PLXNC1: variants seen among roughly 807,000 people sequenced by gnomAD.
The protein encoded by PLXNC1 is plexin-C1.
In PLXNC1, 75 loss-of-function variants were observed where a neutral mutation model predicts 178.2. The observed-to-expected ratio is 0.42, with a 90% CI of 0.35 to 0.51. The LOEUF (loss-of-function observed/expected upper bound fraction) is 0.51, where lower values mean the gene tolerates loss of function less well. Among genes scored for constraint, PLXNC1 ranks in the 20% least tolerant of loss-of-function variants. The pLI is 0.02. For synonymous variants in PLXNC1, 790 were observed against 779.9 expected, an observed-to-expected ratio of 1.01 and a Z score of -0.22; for missense variants, 1,503 against 1,984.4, an observed-to-expected ratio of 0.76 and a Z score of 4.61.
At position 94,260,816 on chromosome 12, in the gene PLXNC1, C is replaced by T. The variant is rs144431676; in HGVS notation, c.3426C>T (p.Ser1142=). Reference sequence around the variant, plus strand: ...AAAAACTCCTCACAAACTGGATGTCCGTCTGCCTTTCTGGATTTCTCCGGG... The same window carrying T: ...AAAAACTCCTCACAAACTGGATGTCTGTCTGCCTTTCTGGATTTCTCCGGG... The part of the protein sequence containing the change: ...VVEKLLTNWM[S]VCLSGFLRET... The change falls in exon 20 of 31, where the codon TCC becomes TCT. Residue 1142 remains serine (S), a synonymous_variant. Coordinates refer to ENST00000258526, the MANE Select transcript of PLXNC1 (RefSeq NM_005761.3). This position sits in a 1 kb window ranked among gnomAD's most constrained non-coding sequence, Gnocchi z 4.4. 38 of 1,614,046 alleles carry T rather than the reference C, an allele frequency of 2.4e-5. No individual in the cohort carries two copies. Among genetic ancestry groups the T allele is most frequent in the Admixed American group, 2.0e-4 (12 of 59,994 alleles).
chr12:94,275,497 A>G (rs190338347), intron 21 of PLXNC1, among the ~76,000 whole-genome samples: 101 of 152,302 alleles, frequency 6.6e-4, no homozygotes, highest in African/African-American at 2.4e-3. Context: ...GCACTTTCCC[A>G]GCCTGGGGGT....
intron 24 of PLXNC1, among the ~76,000 whole-genome samples, chr12:94,295,652 C>T (rs537780737): frequency 4.6e-5 from 7 of 152,240 alleles, no homozygotes; most frequent in African/African-American, 7.2e-5. Flanking sequence ...AAAATCCCAA[C>T]GCTGGATGAA....
chr12:94,148,931 C>T lies in PLXNC1; in HGVS notation c.-41C>T, dbSNP rs988440943. The T allele has an allele frequency of 8.3e-6, 7 of 839,752 alleles. No homozygotes were observed. Among genetic ancestry groups the T allele is most frequent in the Admixed American group, 4.8e-5 (1 of 20,728 alleles). The allele number at this position is 839,752 out of a possible 1,614,324, so 52.0% of individuals were successfully genotyped here. A position where few individuals can be genotyped will look rare whatever the true frequency, so the allele number is the denominator to read the frequency against. Reference sequence around the variant, plus strand: ...CGTTGCCGCGCGCCTGAGCCGCCGTCGCCGCCGCGCGCCCTGCCCGGGGGC... The same window carrying T: ...CGTTGCCGCGCGCCTGAGCCGCCGTTGCCGCCGCGCGCCCTGCCCGGGGGC... On this transcript the variant is annotated 5_prime_UTR_variant, in exon 1 of 31. Transcript: ENST00000258526. The surrounding 1 kb of genome is among the most constrained non-coding windows in gnomAD (Gnocchi z 4.8).
intron 21 of PLXNC1, chr12:94,272,169 C>T (rs1400822001): frequency 1.3e-5 from 2 of 152,130 alleles, no homozygotes; most frequent in Non-Finnish European, 1.5e-5. Flanking sequence ...GCATCATTCC[C>T]AAATCAATCA....
intron 14 of PLXNC1, among the ~76,000 whole-genome samples, chr12:94,249,106 G>A (rs1964607696): frequency 6.6e-6 from 1 of 152,148 alleles, no homozygotes; most frequent in Non-Finnish European, 1.5e-5. Flanking sequence ...ACTTCAGACT[G>A]GAAGGCAACA....
At chr12:94,269,575 A>G (rs543501419) in intron 21 of PLXNC1, among the ~76,000 whole-genome samples, 2 of 152,330 alleles carry the variant, frequency 1.3e-5, no homozygotes, top group South Asian at 4.1e-4. Flanking sequence ...CAGAAGATCC[A>G]TTAGCCCCGT....
At chr12:94,154,912 G>C (rs1292223334) in intron 1 of PLXNC1, among the ~76,000 whole-genome samples, 1 of 152,208 alleles carries the variant, frequency 6.6e-6, no homozygotes, top group Non-Finnish European at 1.5e-5. Context: ...AGAAATATTT[G>C]TTGAATGAAT....
At chr12:94,182,421 A>C (rs2135961194) in intron 3 of PLXNC1, among the ~76,000 whole-genome samples, 1 of 120,946 alleles carries the variant, frequency 8.3e-6, no homozygotes, top group African/African-American at 3.9e-5. Context: ...CTGTCTCAAA[A>C]AAAAAAAAAA....
chr12:94,277,060 A>G (rs945679671), intron 21 of PLXNC1: 10 of 121,240 alleles, frequency 8.2e-5, no homozygotes, highest in Admixed American at 7.1e-4. Flanking sequence ...TCAGCTCTTT[A>G]TAAACACCAT....
intron 1 of PLXNC1, among the ~76,000 whole-genome samples, chr12:94,165,937 T>G (rs2885259): frequency 0.88 from 133,129 of 151,936 alleles, 58,569 homozygotes; most frequent in East Asian, 0.97. Context: ...CTGTTATCAA[T>G]GAGGAAACTT....
chr12:94,282,459 A>T (rs1966517620), intron 23 of PLXNC1, 58 bp downstream of exon 23: 2 of 1,147,428 alleles, frequency 1.7e-6, no homozygotes, highest in African/African-American at 3.1e-5. Flanking sequence ...AGTCCCATGG[A>T]CATTCTTTTA....
intron 22 of PLXNC1, among the ~76,000 whole-genome samples, chr12:94,281,219 C>T (rs1966413991): frequency 6.6e-6 from 1 of 152,166 alleles, no homozygotes; most frequent in South Asian, 2.1e-4. Context: ...GCAGAGGTTG[C>T]AGTGAGCCCA....
At chr12:94,278,940 G>A (rs1206911638) in intron 21 of PLXNC1, among the ~76,000 whole-genome samples, 3 of 152,072 alleles carry the variant, frequency 2.0e-5, no homozygotes, top group Non-Finnish European at 4.4e-5. Context: ...GGAGGTTGCA[G>A]TGAGCCAAGA....
chr12:94,182,275 G>A (rs909865278), intron 3 of PLXNC1, among the ~76,000 whole-genome samples: 4 of 151,998 alleles, frequency 2.6e-5, no homozygotes, highest in Admixed American at 1.3e-4. Context: ...GTTACTGACC[G>A]GGCATAGTGG....
At chr12:94,155,746 GA>G (rs751769103) in intron 1 of PLXNC1, among the ~76,000 whole-genome samples, 3 of 152,172 alleles carry the variant, frequency 2.0e-5, no homozygotes, top group Non-Finnish European at 4.4e-5. Flanking sequence ...GATGTGGGGG[GA>G]TGTCTAGAGT....
intron 5 of PLXNC1, among the ~76,000 whole-genome samples, chr12:94,212,161 C>G (rs1023823427): frequency 4.0e-5 from 6 of 150,532 alleles, no homozygotes; most frequent in Non-Finnish European, 7.4e-5. Flanking sequence ...GTAGTCCCAG[C>G]TACTTGGGAG....
chr12:94,148,888 C>T lies in PLXNC1; in HGVS notation c.-84C>T. ...CCCGAGCGCGCGCAGGAACCGCCGC[C>T]GCCGCCGCCCGCGTCTCCGTTGCCG... On this transcript the variant is annotated 5_prime_UTR_variant, in exon 1 of 31. Coordinates refer to ENST00000258526, the MANE Select transcript of PLXNC1 (RefSeq NM_005761.3). This position sits in a 1 kb window ranked among gnomAD's most constrained non-coding sequence, Gnocchi z 4.8. The T allele has an allele frequency of 3.3e-6, 1 of 304,380 alleles. No individual in the cohort carries two copies. The highest frequency in any genetic ancestry group is 4.8e-6 in the Non-Finnish European group (1 of 206,724). The allele number at this position is 304,380 out of a possible 1,614,324, so 18.9% of individuals were successfully genotyped here. A position where few individuals can be genotyped will look rare whatever the true frequency, so the allele number is the denominator to read the frequency against.
chr12:94,216,280 AG>A (rs1450732402), intron 5 of PLXNC1, among the ~76,000 whole-genome samples: 1 of 151,732 alleles, frequency 6.6e-6, no homozygotes, highest in Non-Finnish European at 1.5e-5. Context: ...AAAAAAAAAA[AG>A]AGTTAACTAA....
Position 94,254,893 on chromosome 12 carries a change from G to T in PLXNC1, c.2983+5G>T. On this transcript the variant is annotated splice_donor_5th_base_variant and intron_variant, in intron 16 of 30. Coordinates refer to ENST00000258526, the MANE Select transcript of PLXNC1 (RefSeq NM_005761.3). Reference sequence around the variant, plus strand: ...TCCGGAAAGAGATACGTGACGGTAGGCTCCAAAATTGTGTTTGTAGAAAAA... The same window carrying T: ...TCCGGAAAGAGATACGTGACGGTAGTCTCCAAAATTGTGTTTGTAGAAAAA... 1 of 1,602,526 alleles carries T rather than the reference G, an allele frequency of 6.2e-7. No individual in the cohort carries two copies. The highest frequency in any genetic ancestry group is 8.5e-7 in the Non-Finnish European group (1 of 1,172,974).
Sources: gnomAD v4.1 joint callset for allele counts (sites outside exome capture counted in the v4.1 genomes callset) on GRCh38, gnomAD v4.1.1 for gene constraint, Gnocchi (gnomAD v3.1) non-coding constraint, MANE v1.5 for transcripts, NCBI Gene and HGNC (gene_info 2026-07-23, HGNC 2026-07-21) for gene names.